Variants in ATP8A2 observed in about 807,000 individuals in gnomAD.
ATP8A2 encodes the protein phospholipid-transporting ATPase IB.
ATP8A2 carries 100 observed loss-of-function variants against 165.6 expected under a neutral mutation model. That is an observed-to-expected ratio of 0.60 (90% CI 0.51 to 0.71). The LOEUF (loss-of-function observed/expected upper bound fraction) is 0.71. Among genes scored for constraint, ATP8A2 ranks in the 30% least tolerant of loss-of-function variants. The pLI, the probability that ATP8A2 is intolerant of heterozygous loss-of-function variation, is 0.00. For synonymous variants in ATP8A2, 543 were observed against 548.8 expected (o/e 0.99, Z 0.15); for missense variants, 1,227 against 1,479.5 (o/e 0.83, Z 2.80).
At chr13:25,619,917 C>T (rs1173626272) in intron 24 of ATP8A2, among the ~76,000 whole-genome samples, 1 of 152,122 alleles carries the variant, frequency 6.6e-6, no homozygotes, top group East Asian at 1.9e-4. Context: ...GGCCCACGGG[C>T]CGTAGTTTAC....
At chr13:25,626,727 G>T (rs1481297065) in intron 24 of ATP8A2, among the ~76,000 whole-genome samples, 1 of 152,100 alleles carries the variant, frequency 6.6e-6, no homozygotes, top group Non-Finnish European at 1.5e-5. Context: ...CGCGGATAAA[G>T]ACATACCTGA....
intron 20 of ATP8A2, 100 bp downstream of exon 20, chr13:25,577,238 T>A: frequency 1.9e-6 from 2 of 1,054,286 alleles, no homozygotes; most frequent in South Asian, 1.3e-5. Context: ...TGATTGTTTG[T>A]CCAGAGTTGA....
intron 24 of ATP8A2, among the ~76,000 whole-genome samples, chr13:25,630,124 T>G (rs2041204778): frequency 3.9e-5 from 6 of 152,064 alleles, no homozygotes; most frequent in Admixed American, 3.3e-4. Context: ...AAACCAGGCC[T>G]CAAATTTTGT....
intron 2 of ATP8A2, among the ~76,000 whole-genome samples, chr13:25,512,172 G>C (rs1046447015): frequency 3.3e-5 from 5 of 151,254 alleles, no homozygotes; most frequent in Admixed American, 2.0e-4. Context: ...AGTGGACACA[G>C]CACATGTTTC....
chr13:25,570,852 T>G lies in ATP8A2; in HGVS notation c.1559T>G (p.Ile520Ser). 6.2e-7 allele frequency: 1 copy of G among 1,613,484 alleles called. No homozygotes were observed. The highest frequency in any genetic ancestry group is 8.5e-7 in the Non-Finnish European group (1 of 1,179,566). Residue 520 changes from isoleucine to serine, a missense_variant, in exon 17 of 37, where the codon ATC becomes AGC. Physicochemically the swap from Ile to Ser is moderately radical, Grantham distance 142. This residue lies in a region of ATP8A2 where 592 missense variants were observed against 785.6 expected (regional missense o/e 0.75). Coordinates refer to ENST00000381655, the MANE Select transcript of ATP8A2 (RefSeq NM_016529.6). ...VVPEKDGDNI[I>S]YQASSPDEAA... Reference sequence around the variant, plus strand: ...CCTGAGAAGGATGGAGATAACATCATCTACCAGGCCTCTTCCCCAGGTGAG... The same window carrying G: ...CCTGAGAAGGATGGAGATAACATCAGCTACCAGGCCTCTTCCCCAGGTGAG...
At chr13:25,739,616 A>AT (rs560939146) in intron 25 of ATP8A2, among the ~76,000 whole-genome samples, 38 of 152,286 alleles carry the variant, frequency 2.5e-4, no homozygotes, top group Non-Finnish European at 4.7e-4. Context: ...TAAAAAAAAA[A>AT]GCTTAACATA....
chr13:25,498,232 A>G (rs892649787), intron 2 of ATP8A2, among the ~76,000 whole-genome samples: 1 of 152,210 alleles, frequency 6.6e-6, no homozygotes, highest in East Asian at 1.9e-4. Context: ...TGAGGAAAAC[A>G]TCAGTATCAA....
intron 24 of ATP8A2, among the ~76,000 whole-genome samples, chr13:25,658,435 C>T (rs192572298): frequency 8.6e-4 from 131 of 152,106 alleles, no homozygotes; most frequent in African/African-American, 2.8e-3. Flanking sequence ...ATCAGGAGTT[C>T]GAGACCAGCC....
At chr13:25,961,521 C>G in intron 33 of ATP8A2, 54 bp from the exon 34 acceptor site, 1 of 1,345,746 alleles carries the variant, frequency 7.4e-7, no homozygotes, top group Non-Finnish European at 1.1e-6. Flanking sequence ...CATTATGTTG[C>G]TCTGTTTTTG....
At chr13:25,559,169 ATAAAG>A in intron 14 of ATP8A2, 108 bp downstream of exon 14, 1 of 733,014 alleles carries the variant, frequency 1.4e-6, no homozygotes, top group Non-Finnish European at 2.3e-6. Context: ...TTTTGAAAGG[ATAAAG>A]TAGTTACTAT....
At chr13:25,777,326 G>A (rs970975746) in intron 27 of ATP8A2, among the ~76,000 whole-genome samples, 6 of 151,928 alleles carry the variant, frequency 3.9e-5, no homozygotes, top group African/African-American at 7.3e-5. Context: ...TACTTCTTTC[G>A]CATCAACATG....
chr13:25,659,603 G>A (rs181900192), intron 24 of ATP8A2, among the ~76,000 whole-genome samples: 15 of 152,292 alleles, frequency 9.8e-5, no homozygotes, highest in East Asian at 1.9e-4. Context: ...AATCCAGTTC[G>A]GTAGGCTTTT....
intron 33 of ATP8A2, among the ~76,000 whole-genome samples, chr13:25,921,775 G>A (rs557969985): frequency 3.9e-5 from 6 of 152,272 alleles, no homozygotes; most frequent in Admixed American, 3.3e-4. Context: ...TTGTAGAACC[G>A]TATAATATTT....
chr13:25,679,472 G>A lies in ATP8A2; in HGVS notation c.2212-19701G>A, dbSNP rs2042438820. 2.6e-5 allele frequency among the ~76,000 whole-genome samples: 4 copies of A among 152,144 alleles called. No individual in the cohort carries two copies. The South Asian group carries it at 8.3e-4, about 32-fold the overall frequency. The stretch of plus-strand genomic sequence containing the variant: ...TGCGATTTGACTTCCTTGGGTGTTA[G>A]GTCTTCCTCAAGGTAAGCGTAGTTT... On this transcript the variant is annotated intron_variant, in intron 24 of 36. Transcript: ENST00000381655.
intron 24 of ATP8A2, among the ~76,000 whole-genome samples, chr13:25,657,800 C>T (rs918074991): frequency 1.2e-4 from 19 of 152,190 alleles, no homozygotes; most frequent in South Asian, 2.1e-4. Context: ...CTACTGTGTG[C>T]GTTAACACGT....
At position 25,513,436 on chromosome 13, in the gene ATP8A2, T is replaced by G. The variant is rs549610755; in HGVS notation, c.222-16563T>G. The stretch of plus-strand genomic sequence containing the variant: ...AGAGGCGCTCCTCACTTCCTAGATG[T>G]GATGGCGGCCGGGAAGAGGCGCTCC... On this transcript the variant is annotated intron_variant, in intron 2 of 36. Coordinates refer to ENST00000381655, the MANE Select transcript of ATP8A2 (RefSeq NM_016529.6). 5.9e-3 allele frequency among the ~76,000 whole-genome samples: 756 copies of G among 128,750 alleles called. 3 individuals carry two copies. The highest frequency in any genetic ancestry group is 0.012 in the African/African-American group (428 of 35,088). 84.5% of individuals were successfully genotyped at this position (128,750 alleles called of 152,430 possible). A position where few individuals can be genotyped will look rare whatever the true frequency, so the allele number is the denominator to read the frequency against.
At chr13:25,577,431 C>T (rs2039649499) in intron 20 of ATP8A2, among the ~76,000 whole-genome samples, 1 of 152,098 alleles carries the variant, frequency 6.6e-6, no homozygotes, top group African/African-American at 2.4e-5. Flanking sequence ...CCAGTTTTAC[C>T]AGCATTGTGT....
intron 24 of ATP8A2, among the ~76,000 whole-genome samples, chr13:25,644,264 A>G (rs2041613062): frequency 6.6e-6 from 1 of 152,040 alleles, no homozygotes; most frequent in Admixed American, 6.6e-5. Context: ...AAGGAATCCA[A>G]CATTCAATAG....
At chr13:25,549,187 C>T (rs759824298) in intron 10 of ATP8A2, among the ~76,000 whole-genome samples, 10 of 152,136 alleles carry the variant, frequency 6.6e-5, no homozygotes, top group East Asian at 5.8e-4. Flanking sequence ...CGGCCGGGCG[C>T]GGTGGCTCAT....
Sources: gnomAD v4.1 joint callset for allele counts (sites outside exome capture counted in the v4.1 genomes callset) on GRCh38, gnomAD v4.1.1 for gene constraint, gnomAD v4.1.1 regional missense constraint, MANE v1.5 for transcripts, NCBI Gene and HGNC (gene_info 2026-07-23, HGNC 2026-07-21) for gene names.